MAP3K13: variants seen among roughly 807,000 people sequenced by gnomAD.
The protein encoded by MAP3K13 is leucine zipper-bearing kinase.
MAP3K13 carries 52 observed loss-of-function variants against 104.0 expected under a neutral mutation model. The observed-to-expected ratio is 0.50, with a 90% CI of 0.40 to 0.63. MAP3K13 has a LOEUF of 0.63. Ranked by LOEUF, MAP3K13 falls within the 20% of genes least tolerant of loss-of-function variation. The probability of loss-of-function intolerance (pLI) is 0.00; values close to 1 mark genes in which losing one functional copy is unlikely to be tolerated. For synonymous variants in MAP3K13, 394 were observed against 442.2 expected (o/e 0.89, Z 1.37); for missense variants, 914 against 1,218.5 (o/e 0.75, Z 3.72).
intron 1 of MAP3K13, among the ~76,000 whole-genome samples, chr3:185,369,139 G>A (rs1467371301): frequency 2.6e-5 from 4 of 152,174 alleles, no homozygotes; most frequent in African/African-American, 9.7e-5. Flanking sequence ...TCTAATGAAA[G>A]GAGATGAACA....
chr3:185,422,928 C>T (rs1220115334), intron 1 of MAP3K13, among the ~76,000 whole-genome samples: 1 of 152,190 alleles, frequency 6.6e-6, no homozygotes, highest in Non-Finnish European at 1.5e-5. Context: ...TGAGCTCCAC[C>T]TCCTGTCAGA....
At chr3:185,298,892 A>G (rs1412636281) in intron 2 of MAP3K13, among the ~76,000 whole-genome samples, 3 of 152,248 alleles carry the variant, frequency 2.0e-5, no homozygotes, top group African/African-American at 7.2e-5. Flanking sequence ...TTTGTAAGCC[A>G]AAAGGGTTCT....
chr3:185,351,499 G>A (rs931555449), intron 2 of MAP3K13, among the ~76,000 whole-genome samples: 50 of 152,236 alleles, frequency 3.3e-4, no homozygotes, highest in African/African-American at 1.1e-3. Flanking sequence ...CCACAGATGG[G>A]ATGATGTCAT....
intron 2 of MAP3K13, among the ~76,000 whole-genome samples, chr3:185,323,520 A>G (rs935094763): frequency 2.0e-5 from 3 of 151,850 alleles, no homozygotes; most frequent in African/African-American, 4.8e-5. Context: ...TTTAGTAGAG[A>G]TGGGGTTTTT....
At chr3:185,313,050 C>T (rs1271851897) in intron 2 of MAP3K13, among the ~76,000 whole-genome samples, 1 of 151,664 alleles carries the variant, frequency 6.6e-6, no homozygotes, top group Non-Finnish European at 1.5e-5. Context: ...ATTAGCCAGG[C>T]GTGGTGGTGT....
chr3:185,367,615 T>A (rs972962275), intron 1 of MAP3K13, among the ~76,000 whole-genome samples: 9 of 151,774 alleles, frequency 5.9e-5, no homozygotes, highest in Non-Finnish European at 1.0e-4. Context: ...TTTTTTTTTT[T>A]AAACAAGGTC....
At chr3:185,336,571 A>C (rs1722512839) in intron 2 of MAP3K13, among the ~76,000 whole-genome samples, 1 of 13,156 alleles carries the variant, frequency 7.6e-5, no homozygotes, top group Non-Finnish European at 1.4e-4. Flanking sequence ...AAGAAAGTTT[A>C]AGGAATAATA....
intron 2 of MAP3K13, among the ~76,000 whole-genome samples, chr3:185,341,875 A>G (rs1722734950): frequency 6.6e-6 from 1 of 152,236 alleles, no homozygotes; most frequent in Non-Finnish European, 1.5e-5. Flanking sequence ...TGAGATGAGT[A>G]GCTGTGATAC....
intron 2 of MAP3K13, among the ~76,000 whole-genome samples, chr3:185,290,092 T>C (rs1005606085): frequency 6.6e-6 from 1 of 152,188 alleles, no homozygotes; most frequent in Non-Finnish European, 1.5e-5. Flanking sequence ...ATTATTTCAT[T>C]ATTACCATAA....
intron 2 of MAP3K13, among the ~76,000 whole-genome samples, chr3:185,324,593 G>T (rs1339324072): frequency 6.6e-6 from 1 of 151,966 alleles, no homozygotes; most frequent in African/African-American, 2.4e-5. Context: ...TCTCCCAGGG[G>T]CACACCGTGC....
At chr3:185,426,294 C>A (rs939271230) in intron 1 of MAP3K13, among the ~76,000 whole-genome samples, 1 of 152,164 alleles carries the variant, frequency 6.6e-6, no homozygotes, top group Non-Finnish European at 1.5e-5. Context: ...GCTGGCCAGA[C>A]TGGTCTCGAA....
At position 185,428,619 on chromosome 3, in the gene MAP3K13, C is replaced by G. The variant is rs773445053; in HGVS notation, c.38C>G (p.Ser13Cys). 6.2e-7 allele frequency: 1 copy of G among 1,610,886 alleles called. No homozygotes were observed. Among genetic ancestry groups the G allele is most frequent in the Admixed American group, 1.7e-5 (1 of 59,856 alleles). ...NFQEHLSCSS[S>C]PHLPFSESKT... ...CAGGAGCACCTGAGCTGCTCCTCTT[C>G]TCCACACTTACCCTTCAGTGAAAGC... Residue 13 changes from serine (S) to cysteine (C), a missense_variant, in exon 2 of 14, where the codon TCT (serine) becomes TGT (cysteine). Physicochemically the swap from Ser to Cys is moderately radical, Grantham distance 112. Coordinates refer to ENST00000265026, the MANE Select transcript of MAP3K13 (RefSeq NM_004721.5).
chr3:185,485,346 GTA>G lies in MAP3K13; in HGVS notation c.*2893_*2894del. ...AGCAGGGAGACTAAAAAAAGAAATG[GTA>G]TACAGTAGTCCCCTCTTACCCATGG... is the stretch of plus-strand genomic sequence containing the variant. On this transcript the variant is annotated 3_prime_UTR_variant, in exon 14 of 14. Transcript: ENST00000265026. The G allele has an allele frequency of 6.6e-6, 1 of 152,072 alleles. No homozygotes were observed. The highest frequency in any genetic ancestry group is 1.5e-5 in the Non-Finnish European group (1 of 68,014). 9.4% of individuals were successfully genotyped at this position (152,072 alleles called of 1,614,324 possible). A position where few individuals can be genotyped will look rare whatever the true frequency, so the allele number is the denominator to read the frequency against.
intron 1 of MAP3K13, among the ~76,000 whole-genome samples, chr3:185,367,662 T>G (rs532770848): frequency 6.6e-6 from 1 of 152,216 alleles, no homozygotes; most frequent in Non-Finnish European, 1.5e-5. Flanking sequence ...GGTGGCTTGA[T>G]CACAGCTCCC....
At chr3:185,358,484 G>A (rs1029332244), upstream of MAP3K13, among the ~76,000 whole-genome samples, 9 of 152,108 alleles carry the variant, frequency 5.9e-5, no homozygotes, top group Admixed American at 5.2e-4. Flanking sequence ...TCTTCTAAGG[G>A]GTATTAGGCT....
At chr3:185,291,786 C>A in intron 2 of MAP3K13, 1 of 1,387,954 alleles carries the variant, frequency 7.2e-7, no homozygotes. Flanking sequence ...GGCTAAAATC[C>A]ATTAATACAT....
chr3:185,409,867 T>G (rs1560091217), intron 1 of MAP3K13, among the ~76,000 whole-genome samples: 1 of 152,182 alleles, frequency 6.6e-6, no homozygotes, highest in Non-Finnish European at 1.5e-5. Flanking sequence ...GTCCCCAACC[T>G]TCTTGGCACC....
intron 10 of MAP3K13, among the ~76,000 whole-genome samples, chr3:185,468,317 C>T (rs1032790789): frequency 1.2e-4 from 18 of 152,164 alleles, no homozygotes; most frequent in Non-Finnish European, 5.9e-5. Flanking sequence ...ACATGTATAA[C>T]ATGTGAAATC....
intron 1 of MAP3K13, among the ~76,000 whole-genome samples, chr3:185,419,555 T>C (rs1714002702): frequency 1.3e-5 from 2 of 152,212 alleles, no homozygotes; most frequent in Admixed American, 6.5e-5. Flanking sequence ...TGTTGACCTT[T>C]TAAACATAAT....
Sources: gnomAD v4.1 joint callset for allele counts (sites outside exome capture counted in the v4.1 genomes callset) on GRCh38, gnomAD v4.1.1 for gene constraint, MANE v1.5 for transcripts, NCBI Gene and HGNC (gene_info 2026-07-23, HGNC 2026-07-21) for gene names.